Variants in PRELID2 observed in about 807,000 individuals in gnomAD.
PRELID2 encodes the protein PRELI domain containing 2.
A neutral mutation model predicts 28.4 loss-of-function variants in PRELID2; 25 were observed. The observed-to-expected ratio is 0.88, with a 90% CI of 0.64 to 1.23. PRELID2 has a LOEUF of 1.23. PRELID2 is among the 50% of genes most tolerant of loss of function. PRELID2 has a pLI of 0.00. For synonymous variants in PRELID2, 76 were observed against 71.6 expected, an observed-to-expected ratio of 1.06 and a Z score of -0.31; for missense variants, 201 against 214.4, an observed-to-expected ratio of 0.94 and a Z score of 0.39.
At chr5:145,728,581 C>T (rs1445665159) in intron 1 of PRELID2, 3 of 875,936 alleles carry the variant, frequency 3.4e-6, no homozygotes, top group Non-Finnish European at 5.8e-6. Context: ...TTGATCATGG[C>T]AATTAACACA....
the PRELID2 span, among the ~76,000 whole-genome samples, chr5:145,354,231 C>T: frequency 6.6e-6 from 1 of 151,424 alleles, no homozygotes; most frequent in Non-Finnish European, 1.5e-5. Flanking sequence ...AGCCAGGATA[C>T]AGCAGAAACA....
chr5:145,397,914 A>G, the PRELID2 span, among the ~76,000 whole-genome samples: 1 of 152,186 alleles, frequency 6.6e-6, no homozygotes, highest in Non-Finnish European at 1.5e-5. Context: ...ACTGAAGGAT[A>G]CATCATGCCT....
the PRELID2 span, among the ~76,000 whole-genome samples, chr5:145,325,424 T>C: frequency 1.3e-5 from 2 of 152,008 alleles, no homozygotes; most frequent in African/African-American, 4.8e-5. Context: ...ATTAGGGAGG[T>C]AGAGAGAAAA....
the PRELID2 span, among the ~76,000 whole-genome samples, chr5:145,453,219 A>T: frequency 6.6e-6 from 1 of 152,204 alleles, no homozygotes; most frequent in Admixed American, 6.5e-5. Flanking sequence ...CACATAAAAA[A>T]TTATGATGCA....
intron 1 of PRELID2, among the ~76,000 whole-genome samples, chr5:145,710,818 T>G (rs1755673405): frequency 6.6e-6 from 1 of 152,238 alleles, no homozygotes; most frequent in African/African-American, 2.4e-5. Context: ...CCAGAAGCTG[T>G]CATAAGACAT....
At chr5:145,828,798 A>C (rs1440528329) in intron 1 of PRELID2, among the ~76,000 whole-genome samples, 1 of 151,426 alleles carries the variant, frequency 6.6e-6, no homozygotes, top group Non-Finnish European at 1.5e-5. Flanking sequence ...AACTCCTTGA[A>C]GACAGGTCCA....
At chr5:145,698,718 GTTGTTTGTTTGT>G (rs569821435) in intron 1 of PRELID2, among the ~76,000 whole-genome samples, 2 of 152,028 alleles carry the variant, frequency 1.3e-5, no homozygotes, top group Non-Finnish European at 2.9e-5. Context: ...CCACCTGTTT[GTTGTTTGTTTGT>G]TTGTTTGTTT....
intron 2 of PRELID2, among the ~76,000 whole-genome samples, chr5:145,822,844 A>G (rs928980839): frequency 6.6e-6 from 1 of 152,226 alleles, no homozygotes; most frequent in Non-Finnish European, 1.5e-5. Flanking sequence ...GAAAGTGACA[A>G]AAAGCATCAG....
chr5:145,407,049 T>A, the PRELID2 span, among the ~76,000 whole-genome samples: 1 of 152,166 alleles, frequency 6.6e-6, no homozygotes, highest in Non-Finnish European at 1.5e-5. Flanking sequence ...AACTTTGTAA[T>A]AATTTTGATT....
chr5:145,778,509 T>C (rs958095549), intron 5 of PRELID2, among the ~76,000 whole-genome samples: 1 of 152,180 alleles, frequency 6.6e-6, no homozygotes, highest in African/African-American at 2.4e-5. Context: ...ATCTTCCTGA[T>C]CACAGAACAA....
the PRELID2 span, among the ~76,000 whole-genome samples, chr5:145,357,070 A>G: frequency 1.3e-5 from 2 of 152,136 alleles, no homozygotes; most frequent in Admixed American, 6.5e-5. Context: ...TAGGCCCCCA[A>G]TATCTTCTGG....
intron 1 of PRELID2, among the ~76,000 whole-genome samples, chr5:145,509,194 T>C (rs1314411456): frequency 6.6e-6 from 1 of 152,200 alleles, no homozygotes; most frequent in Non-Finnish European, 1.5e-5. Flanking sequence ...TGACAACTGC[T>C]ATGTGTTGAA....
chr5:145,815,059 A>T (rs1754204301), intron 4 of PRELID2, among the ~76,000 whole-genome samples: 1 of 152,156 alleles, frequency 6.6e-6, no homozygotes, highest in South Asian at 2.1e-4. Context: ...GTACTAGGAG[A>T]CTGAGACTTT....
intron 1 of PRELID2, among the ~76,000 whole-genome samples, chr5:145,650,193 T>G (rs1317264727): frequency 6.6e-6 from 1 of 152,100 alleles, no homozygotes; most frequent in African/African-American, 2.4e-5. Flanking sequence ...TTGCCCTGAA[T>G]TCTATTTTCA....
At chr5:145,231,054 C>T in the PRELID2 span, among the ~76,000 whole-genome samples, 1 of 152,152 alleles carries the variant, frequency 6.6e-6, no homozygotes, top group African/African-American at 2.4e-5. Context: ...CTAAATACAA[C>T]CCACAGTTAA....
intron 1 of PRELID2, among the ~76,000 whole-genome samples, chr5:145,733,743 T>C (rs1756414789): frequency 6.6e-6 from 1 of 152,216 alleles, no homozygotes; most frequent in Non-Finnish European, 1.5e-5. Flanking sequence ...ATCCTCTGTC[T>C]CCTCTCAAAT....
intron 1 of PRELID2, among the ~76,000 whole-genome samples, chr5:145,539,474 G>A (rs1403979499): frequency 1.3e-5 from 2 of 151,896 alleles, no homozygotes; most frequent in Non-Finnish European, 2.9e-5. Context: ...ATTGAAATTT[G>A]AGAACTGTTG....
chr5:145,557,429 T>C (rs533982760), intron 1 of PRELID2, among the ~76,000 whole-genome samples: 2 of 152,012 alleles, frequency 1.3e-5, no homozygotes, highest in Non-Finnish European at 2.9e-5. Context: ...CAGATGACAA[T>C]CCACATGACA....
chr5:145,586,632 G>A (rs1753157359), intron 1 of PRELID2, among the ~76,000 whole-genome samples: 1 of 151,986 alleles, frequency 6.6e-6, no homozygotes, highest in Non-Finnish European at 1.5e-5. Flanking sequence ...AAGAACATAA[G>A]CTCCTATGGG....
Sources: gnomAD v4.1 joint callset for allele counts (sites outside exome capture counted in the v4.1 genomes callset) on GRCh38, gnomAD v4.1.1 for gene constraint, MANE v1.5 for transcripts, NCBI Gene and HGNC (gene_info 2026-07-23, HGNC 2026-07-21) for gene names.